Variants in MRPL44 observed in about 807,000 individuals in gnomAD.
MRPL44 encodes large ribosomal subunit protein mL44.
A neutral mutation model predicts 25.9 loss-of-function variants in MRPL44; 21 were observed. The observed-to-expected ratio is 0.81, with a 90% CI of 0.58 to 1.17. The LOEUF (loss-of-function observed/expected upper bound fraction) is 1.17. Ranked by LOEUF, MRPL44 falls within the 50% of genes most tolerant of loss-of-function variation. The pLI is 0.00. For synonymous variants in MRPL44, 169 were observed against 151.0 expected (o/e 1.12, Z -0.87); for missense variants, 410 against 398.9 (o/e 1.03, Z -0.24).
At chr2:223,953,112 C>A (rs1689514191), upstream of MRPL44, among the ~76,000 whole-genome samples, 1 of 150,728 alleles carries the variant, frequency 6.6e-6, no homozygotes, top group Non-Finnish European at 1.5e-5. Context: ...TATTCGTATG[C>A]AGTATCCAGA....
chr2:223,959,808 G>A lies in MRPL44; in HGVS notation c.454G>A (p.Gly152Ser). The A allele has an allele frequency of 6.2e-7, 1 of 1,614,138 alleles. No individual in the cohort carries two copies. Among genetic ancestry groups the A allele is most frequent in the African/African-American group, 1.3e-5 (1 of 75,006 alleles). The change falls in exon 2 of 4, where the codon GGC (glycine) becomes AGC (serine). Residue 152 changes from glycine to serine, a missense_variant. By Grantham distance (56) the Gly-to-Ser change is moderately conservative (BLOSUM62 0). Transcript: ENST00000258383. ...CGAGTACCCAGACATGCCCACTGAAGGCATAAAAAATCTTGTTGACTTTCT... is the reference window on the plus strand; with the variant it reads ...CGAGTACCCAGACATGCCCACTGAAAGCATAAAAAATCTTGTTGACTTTCT... Reference protein sequence around the residue: ...EDEYPDMPTEGIKNLVDFLTG... With the variant: ...EDEYPDMPTESIKNLVDFLTG...
chr2:223,955,310 T>A (rs1043334786), upstream of MRPL44, among the ~76,000 whole-genome samples: 10 of 152,216 alleles, frequency 6.6e-5, no homozygotes, highest in Admixed American at 2.0e-4. Flanking sequence ...TTTTGAACAG[T>A]TTTAACTATA....
upstream of MRPL44, among the ~76,000 whole-genome samples, chr2:223,953,826 T>C (rs1338236068): frequency 2.6e-5 from 4 of 152,252 alleles, no homozygotes; most frequent in Admixed American, 2.6e-4. Context: ...CAATGCTTTA[T>C]TTAAAAAGCA....
chr2:223,963,435 G>A (rs1280734056), intron 2 of MRPL44, among the ~76,000 whole-genome samples: 2 of 148,800 alleles, frequency 1.3e-5, no homozygotes, highest in East Asian at 4.0e-4. Flanking sequence ...ATAGAGTGAA[G>A]CCCTGTCTCA....
chr2:223,962,842 C>T (rs1478156211), intron 2 of MRPL44, among the ~76,000 whole-genome samples: 1 of 152,046 alleles, frequency 6.6e-6, no homozygotes, highest in African/African-American at 2.4e-5. Context: ...GCTGGGTTTA[C>T]AGGCGTGCAG....
At chr2:223,961,966 G>A (rs1689665853) in intron 2 of MRPL44, among the ~76,000 whole-genome samples, 1 of 152,062 alleles carries the variant, frequency 6.6e-6, no homozygotes, top group South Asian at 2.1e-4. Flanking sequence ...TTATATATGT[G>A]TATATACGTA....
chr2:223,966,204 A>C (rs10187135), intron 3 of MRPL44, among the ~76,000 whole-genome samples: 129,750 of 150,876 alleles, frequency 0.86, 56,277 homozygotes, highest in Non-Finnish European at 0.92. Context: ...CCACTGCACT[A>C]CAGCCTGGGC....
chr2:223,957,353 G>C, upstream of MRPL44: 2 of 1,325,140 alleles, frequency 1.5e-6, no homozygotes, highest in East Asian at 4.8e-5. Flanking sequence ...CCCCGCCCCG[G>C]GGGCTGTCTC....
At chr2:223,959,235 A>G (rs1270397664) in intron 1 of MRPL44, among the ~76,000 whole-genome samples, 2 of 152,226 alleles carry the variant, frequency 1.3e-5, no homozygotes, top group Non-Finnish European at 2.9e-5. Flanking sequence ...TAGAGCAGAA[A>G]TAAGGAACCT....
rs527858256 is a variant in MRPL44, at chr2:223,963,741, T to C, written c.649-15T>C. The stretch of plus-strand genomic sequence containing the variant: ...TCTACTAATTAAAATGTATAAATTA[T>C]ATTTTTATATGCAGGACTTCTTAAT... On this transcript the variant is annotated splice_polypyrimidine_tract_variant and intron_variant, in intron 2 of 3. Coordinates refer to ENST00000258383, the MANE Select transcript of MRPL44 (RefSeq NM_022915.5). 2.7e-6 allele frequency: 4 copies of C among 1,493,216 alleles called. No homozygotes were observed. In the East Asian group the frequency reaches 7.2e-5, roughly 27 times the overall value. 92.5% of individuals were successfully genotyped at this position (1,493,216 alleles called of 1,614,324 possible).
rs35331337 is a variant in MRPL44 at position 223,959,978 on chromosome 2, T to C, written c.624T>C (p.Pro208=). The C allele has an allele frequency of 0.01, 16,606 of 1,613,218 alleles. 1,461 individuals are homozygous for C. The African/African-American group carries it at 0.19, about 18-fold the overall frequency. Residue 208 remains proline (P), a synonymous_variant, in exon 2 of 4, where the codon CCT becomes CCC. Coordinates refer to ENST00000258383, the MANE Select transcript of MRPL44 (RefSeq NM_022915.5). The part of the protein sequence containing the change: ...VIGALLQSSG[P]ERTALFIRDF... ...GAGCCCTGTTACAGAGCAGTGGACCTGAGAGGACTGCACTTTTCATCAGGG... is the reference window on the plus strand; with the variant it reads ...GAGCCCTGTTACAGAGCAGTGGACCCGAGAGGACTGCACTTTTCATCAGGG...
chr2:223,955,626 C>A (rs981781949), upstream of MRPL44, among the ~76,000 whole-genome samples: 2 of 152,214 alleles, frequency 1.3e-5, no homozygotes, highest in African/African-American at 4.8e-5. Flanking sequence ...CCTCAATCGC[C>A]TCACCTCCTC....
chr2:223,967,248 C>G lies in MRPL44; in HGVS notation c.*214C>G. On this transcript the variant is annotated 3_prime_UTR_variant, in exon 4 of 4. Coordinates refer to ENST00000258383, the MANE Select transcript of MRPL44 (RefSeq NM_022915.5). ...TTTGATCAAATCTTTTTTTTTTTCT[C>G]TTGAGATGGAGTCTTACTCTGTCGC... The G allele has an allele frequency of 1.9e-6, 1 of 515,042 alleles. No homozygotes were observed. The highest frequency in any genetic ancestry group is 3.3e-6 in the Non-Finnish European group (1 of 300,994). 31.9% of individuals were successfully genotyped at this position (515,042 alleles called of 1,614,324 possible). A position where few individuals can be genotyped will look rare whatever the true frequency, so the allele number is the denominator to read the frequency against.
intron 3 of MRPL44, among the ~76,000 whole-genome samples, chr2:223,964,239 G>C (rs191628085): frequency 6.6e-6 from 1 of 152,256 alleles, no homozygotes; most frequent in Non-Finnish European, 1.5e-5. Flanking sequence ...CTGTGTAGAA[G>C]TACAAATGTT....
At position 223,959,850 on chromosome 2, in the gene MRPL44, G is replaced by A. The variant is rs141821599; in HGVS notation, c.496G>A (p.Val166Met). 91 of 1,614,096 alleles carry A rather than the reference G, an allele frequency of 5.6e-5. No homozygotes were observed. Among genetic ancestry groups the A allele is most frequent in the African/African-American group, 5.1e-4 (38 of 74,928 alleles). ...LVDFLTGEEV[V>M]CHVARNLAVE... Reference sequence around the variant, plus strand: ...TGACTTTCTCACTGGTGAGGAAGTCGTGTGTCACGTGGCTAGAAACTTGGC... The same window carrying A: ...TGACTTTCTCACTGGTGAGGAAGTCATGTGTCACGTGGCTAGAAACTTGGC... The change falls in exon 2 of 4, where the codon GTG becomes ATG. Residue 166 changes from valine to methionine, a missense_variant. Coordinates refer to ENST00000258383, the MANE Select transcript of MRPL44 (RefSeq NM_022915.5).
intron 2 of MRPL44, among the ~76,000 whole-genome samples, chr2:223,960,691 A>G (rs1184259891): frequency 6.6e-6 from 1 of 152,174 alleles, no homozygotes; most frequent in Non-Finnish European, 1.5e-5. Context: ...CAAGTTTGAT[A>G]ATTTTGTTAG....
chr2:223,966,048 C>T (rs1574797041), intron 3 of MRPL44: 1 of 152,084 alleles, frequency 6.6e-6, no homozygotes, highest in South Asian at 2.1e-4. Flanking sequence ...ACGGTGAAAC[C>T]CCCGTCTCTA....
rs1214955327 is a variant in MRPL44, at chr2:223,967,040, A to G, written c.*6A>G. On this transcript the variant is annotated 3_prime_UTR_variant, in exon 4 of 4. Transcript: ENST00000258383. Reference sequence around the variant, plus strand: ...AGAGCATCACTGCCAGCTAGCCGCCATGGATGCAGCAGCCTGAAACTTGAG... The same window carrying G: ...AGAGCATCACTGCCAGCTAGCCGCCGTGGATGCAGCAGCCTGAAACTTGAG... The G allele has an allele frequency of 3.1e-6, 5 of 1,603,610 alleles. No individual in the cohort carries two copies. The highest frequency in any genetic ancestry group is 3.4e-4 in the Middle Eastern group (2 of 5,828).
chr2:223,962,373 G>C (rs1482635230), intron 2 of MRPL44, among the ~76,000 whole-genome samples: 1 of 152,118 alleles, frequency 6.6e-6, no homozygotes, highest in Admixed American at 6.5e-5. Context: ...GTGCTTGGAG[G>C]AGTGTTGTAA....
Sources: allele counts gnomAD v4.1 joint callset (sites outside exome capture counted in the v4.1 genomes callset), GRCh38; gene constraint gnomAD v4.1.1; transcripts MANE v1.5; gene names NCBI Gene and HGNC (gene_info 2026-07-23, HGNC 2026-07-21).